Variants in GRIK2 observed in about 807,000 individuals in gnomAD.
GRIK2 encodes the protein glutamate ionotropic receptor kainate type subunit 2.
A neutral mutation model predicts 100.3 loss-of-function variants in GRIK2; 32 were observed. The observed-to-expected ratio is 0.32, with a 90% confidence interval of 0.24 to 0.43. The LOEUF is 0.43. Ranked by LOEUF, GRIK2 falls within the 20% of genes least tolerant of loss-of-function variation. The pLI is 1.00. For synonymous variants in GRIK2, 417 were observed against 389.4 expected (o/e 1.07, Z -0.83); for missense variants, 843 against 1,114.9 (o/e 0.76, Z 3.47).
At chr6:101,569,199 T>A (rs1777422172) in intron 2 of GRIK2, among the ~76,000 whole-genome samples, 1 of 152,048 alleles carries the variant, frequency 6.6e-6, no homozygotes, top group African/African-American at 2.4e-5. Context: ...CAGATAGTTT[T>A]AATTTTAATT....
chr6:101,726,859 A>G (rs1481994057), intron 7 of GRIK2, among the ~76,000 whole-genome samples: 2 of 152,044 alleles, frequency 1.3e-5, no homozygotes, highest in African/African-American at 4.8e-5. Context: ...TTTTTATAAC[A>G]TCTCCACAAC....
At position 101,579,216 on chromosome 6, in the gene GRIK2, A is replaced by G. The variant is rs9485512; in HGVS notation, c.116-42733A>G. Among the ~76,000 whole-genome samples the G allele has an allele frequency of 2.9e-3, 436 of 152,258 alleles. 4 individuals carry two copies. The highest frequency in any genetic ancestry group is 0.01 in the African/African-American group (428 of 41,572). ...TGATAAGAGAACTGAGAGTCAAAGAAATGAAGTATATATTCCCATGGTCAT... is the reference window on the plus strand; with the variant it reads ...TGATAAGAGAACTGAGAGTCAAAGAGATGAAGTATATATTCCCATGGTCAT... On this transcript the variant is annotated intron_variant, in intron 2 of 16. Transcript: ENST00000369134.
At chr6:101,432,194 A>G (rs960647243) in intron 2 of GRIK2, among the ~76,000 whole-genome samples, 8 of 152,110 alleles carry the variant, frequency 5.3e-5, no homozygotes, top group South Asian at 4.2e-4. Context: ...TAATTTAATC[A>G]AGTCCCTCGT....
chr6:101,535,013 C>T (rs1775622457), intron 2 of GRIK2, among the ~76,000 whole-genome samples: 1 of 151,630 alleles, frequency 6.6e-6, no homozygotes, highest in Non-Finnish European at 1.5e-5. Flanking sequence ...CTCTGTGCTA[C>T]ATCATTAACG....
intron 2 of GRIK2, among the ~76,000 whole-genome samples, chr6:101,537,442 T>TTGTG (rs72439810): frequency 3.0e-5 from 4 of 134,072 alleles, no homozygotes; most frequent in African/African-American, 8.3e-5. Flanking sequence ...GTGTGTGTGT[T>TTGTG]TGTGTGTGTG....
chr6:102,038,085 T>C (rs1562129772), intron 15 of GRIK2, among the ~76,000 whole-genome samples: 1 of 151,370 alleles, frequency 6.6e-6, no homozygotes, highest in African/African-American at 2.4e-5. Context: ...TTTAAACTAG[T>C]AAAAGAAGAG....
intron 7 of GRIK2, among the ~76,000 whole-genome samples, chr6:101,780,009 T>G (rs1352950893): frequency 6.6e-6 from 1 of 152,140 alleles, no homozygotes; most frequent in Non-Finnish European, 1.5e-5. Context: ...TGACCACAGA[T>G]TTATCTAACT....
chr6:101,601,120 GTTTTTTT>G (rs34999814), intron 2 of GRIK2, among the ~76,000 whole-genome samples: 42 of 140,378 alleles, frequency 3.0e-4, no homozygotes, highest in Middle Eastern at 3.9e-3. Context: ...AGTTTGTTGA[GTTTTTTT>G]TTTTTTTTTT....
chr6:101,995,294 G>C (rs1449809232), intron 14 of GRIK2, among the ~76,000 whole-genome samples: 2 of 151,852 alleles, frequency 1.3e-5, no homozygotes, highest in Non-Finnish European at 2.9e-5. Flanking sequence ...ATGGGCATTA[G>C]GCTGTGTTCC....
intron 4 of GRIK2, among the ~76,000 whole-genome samples, chr6:101,662,526 A>G (rs936822530): frequency 1.3e-5 from 2 of 152,092 alleles, no homozygotes; most frequent in Non-Finnish European, 2.9e-5. Context: ...ACCCTTCATA[A>G]GTGTTTTTTA....
rs1449815995 is a variant in GRIK2 at position 101,892,896 on chromosome 6, C to G, written c.1748+3033C>G. Among the ~76,000 whole-genome samples, 3 of 151,150 alleles carry G rather than the reference C, an allele frequency of 2.0e-5. No individual in the cohort carries two copies. In the East Asian group the frequency reaches 5.8e-4, roughly 29 times the overall value. On this transcript the variant is annotated intron_variant, in intron 12 of 16. Transcript: ENST00000369134. ...TAAAACTGAAAAATCAGATTAAAAG[C>G]AAAGTCTGAATATGGTCAATTTAAA...
intron 7 of GRIK2, among the ~76,000 whole-genome samples, chr6:101,733,748 C>T (rs1055856493): frequency 8.6e-6 from 1 of 115,892 alleles, no homozygotes; most frequent in African/African-American, 3.4e-5. Flanking sequence ...TTATTATAAG[C>T]AGTCAGGAGG....
intron 4 of GRIK2, among the ~76,000 whole-genome samples, chr6:101,657,832 A>G (rs1292371004): frequency 6.6e-6 from 1 of 152,108 alleles, no homozygotes; most frequent in Non-Finnish European, 1.5e-5. Flanking sequence ...AGGGAAATAA[A>G]TAATAGAGAA....
At chr6:101,935,231 G>A (rs1314198695) in intron 14 of GRIK2, among the ~76,000 whole-genome samples, 2 of 151,914 alleles carry the variant, frequency 1.3e-5, no homozygotes, top group African/African-American at 4.8e-5. Context: ...TAGGGAGGAT[G>A]TGTAAATAGC....
chr6:101,989,205 G>A (rs13207983), intron 14 of GRIK2, among the ~76,000 whole-genome samples: 4,658 of 151,546 alleles, frequency 0.031, 118 homozygotes, highest in Non-Finnish European at 0.045. Flanking sequence ...AAGGCATTTA[G>A]TATGCATATT....
intron 2 of GRIK2, among the ~76,000 whole-genome samples, chr6:101,599,732 T>G (rs557426235): frequency 3.8e-4 from 58 of 151,964 alleles, no homozygotes; most frequent in Non-Finnish European, 6.6e-4. Flanking sequence ...CATGTTTTTT[T>G]GCACACTTTT....
chr6:101,574,325 G>A (rs1193087917), intron 2 of GRIK2, among the ~76,000 whole-genome samples: 1 of 145,840 alleles, frequency 6.9e-6, no homozygotes, highest in Non-Finnish European at 1.5e-5. Context: ...AATATATTAT[G>A]AATATATGAT....
At chr6:101,634,501 C>T (rs569983133) in intron 4 of GRIK2, among the ~76,000 whole-genome samples, 2 of 152,126 alleles carry the variant, frequency 1.3e-5, no homozygotes, top group Admixed American at 1.3e-4. Context: ...GGAACTTGGT[C>T]TGGGCAGGCA....
chr6:101,599,411 T>C (rs1192632673), intron 2 of GRIK2, among the ~76,000 whole-genome samples: 1 of 151,878 alleles, frequency 6.6e-6, no homozygotes, highest in African/African-American at 2.4e-5. Context: ...TAGAACTATG[T>C]CTTTTCTTTT....
Sources: gnomAD v4.1 joint callset for allele counts (sites outside exome capture counted in the v4.1 genomes callset) on GRCh38, gnomAD v4.1.1 for gene constraint, MANE v1.5 for transcripts, NCBI Gene and HGNC (gene_info 2026-07-23, HGNC 2026-07-21) for gene names.